Variants in ACYP2 observed in about 807,000 individuals in gnomAD.
ACYP2 encodes acylphosphatase-2.
ACYP2 carries 12 observed loss-of-function variants against 11.2 expected under a neutral mutation model. The ratio of observed to expected loss-of-function variants is 1.08; its 90% CI spans 0.69 to 1.74. The LOEUF (loss-of-function observed/expected upper bound fraction) is 1.74. Ranked by LOEUF, ACYP2 falls within the 40% of genes most tolerant of loss-of-function variation. The probability of loss-of-function intolerance (pLI) is 0.00; values close to 1 mark genes in which losing one functional copy is unlikely to be tolerated. For missense variants in ACYP2, 134 were observed against 101.9 expected, an observed-to-expected ratio of 1.31 and a Z score of -1.35; for synonymous variants, 43 against 32.2, an observed-to-expected ratio of 1.33 and a Z score of -1.13.
intron 4 of ACYP2, among the ~76,000 whole-genome samples, chr2:54,109,702 T>C (rs571067799): frequency 7.2e-5 from 11 of 152,302 alleles, no homozygotes; most frequent in African/African-American, 2.4e-4. Flanking sequence ...TTTCAGAAAG[T>C]AAAATTTTAA....
rs1329740921 is a variant in ACYP2, at chr2:54,236,889, T to TA, written c.405-67796dup. Among the ~76,000 whole-genome samples the TA allele has an allele frequency of 2.0e-5, 3 of 152,174 alleles. No individual in the cohort carries two copies. The South Asian group carries it at 6.2e-4, about 32-fold the overall frequency. On this transcript the variant is annotated intron_variant, in intron 6 of 6. Coordinates refer to ENST00000607452, the MANE Select transcript of ACYP2 (RefSeq NM_001320586.2). ...AAGTATTATCTCTTAATAGAGAAGT[T>TA]AAAGTTTTATCATTTTGAAATGCAG...
intron 6 of ACYP2, among the ~76,000 whole-genome samples, chr2:54,225,324 C>G (rs1196819987): frequency 6.6e-6 from 1 of 152,008 alleles, no homozygotes; most frequent in African/African-American, 2.4e-5. Flanking sequence ...CATGTTTTTT[C>G]CATCATTAAA....
intron 6 of ACYP2, chr2:54,222,876 C>CTGAG (rs1685857679): frequency 6.6e-6 from 1 of 152,140 alleles, no homozygotes. Flanking sequence ...CAAGCATTTT[C>CTGAG]TGAGTTTTGG....
intron 4 of ACYP2, among the ~76,000 whole-genome samples, chr2:54,069,118 A>G (rs1323851358): frequency 2.0e-5 from 3 of 151,858 alleles, no homozygotes; most frequent in African/African-American, 7.3e-5. Context: ...TTTTGTAGAG[A>G]TGAGGTCTCA....
rs566175870 is a variant in ACYP2 at position 54,210,381 on chromosome 2, A to G, written c.404+71633A>G. 4.6e-5 allele frequency among the ~76,000 whole-genome samples: 7 copies of G among 152,088 alleles called. No individual in the cohort carries two copies. In the East Asian group the frequency reaches 9.7e-4, roughly 21 times the overall value. ...ATTACATTACTTAATATATACAAAC[A>G]TATAATTTTTGTGCTTATAACTCTA... On this transcript the variant is annotated intron_variant, in intron 6 of 6. Coordinates refer to ENST00000607452, the MANE Select transcript of ACYP2 (RefSeq NM_001320586.2).
At chr2:54,219,286 T>A (rs1477206936) in intron 6 of ACYP2, among the ~76,000 whole-genome samples, 1 of 152,190 alleles carries the variant, frequency 6.6e-6, no homozygotes, top group Non-Finnish European at 1.5e-5. Context: ...AGTGCTTGTT[T>A]TGCAAGTGAG....
At chr2:54,190,365 G>A (rs934101739) in intron 6 of ACYP2, among the ~76,000 whole-genome samples, 3 of 151,518 alleles carry the variant, frequency 2.0e-5, no homozygotes, top group Admixed American at 2.0e-4. Flanking sequence ...TGCTCTTCAT[G>A]TCTAGGAAAA....
Position 54,235,159 on chromosome 2 carries a change from A to G in ACYP2, c.405-69529A>G, listed in dbSNP as rs182868592. Among the ~76,000 whole-genome samples the G allele has an allele frequency of 3.3e-4, 50 of 152,256 alleles. 1 individual carries two copies. The highest frequency in any genetic ancestry group is 3.4e-3 in the Middle Eastern group (1 of 294). ...AGATTGGGGTGTAAGTTTTCTTTCT[A>G]GTAATGCCCTTCTCATACTTTAGTA... On this transcript the variant is annotated intron_variant, in intron 6 of 6. Coordinates refer to ENST00000607452, the MANE Select transcript of ACYP2 (RefSeq NM_001320586.2).
chr2:53,975,000 A>G (rs982821725), intron 2 of ACYP2, among the ~76,000 whole-genome samples: 2 of 152,110 alleles, frequency 1.3e-5, no homozygotes, highest in African/African-American at 4.8e-5. Flanking sequence ...AAGAATAGAA[A>G]TGTTTGGATT....
At chr2:54,117,404 T>G (rs963030736) in intron 4 of ACYP2, among the ~76,000 whole-genome samples, 2 of 152,204 alleles carry the variant, frequency 1.3e-5, no homozygotes, top group Admixed American at 6.5e-5. Context: ...CAAGTGATCT[T>G]CTGCCTCAGC....
intron 6 of ACYP2, among the ~76,000 whole-genome samples, chr2:54,201,695 TC>T (rs1684838328): frequency 1.4e-5 from 2 of 147,972 alleles, no homozygotes; most frequent in African/African-American, 5.1e-5. Flanking sequence ...TCTCTCTCTC[TC>T]TCTTTTTTCT....
intron 6 of ACYP2, among the ~76,000 whole-genome samples, chr2:54,298,535 G>A (rs1470327969): frequency 6.6e-6 from 1 of 152,216 alleles, no homozygotes; most frequent in East Asian, 1.9e-4. Context: ...AAGCAGATGA[G>A]CGGGTGGTAA....
chr2:53,999,489 A>G (rs1440192315), intron 2 of ACYP2, among the ~76,000 whole-genome samples: 3 of 152,180 alleles, frequency 2.0e-5, no homozygotes, highest in African/African-American at 7.2e-5. Flanking sequence ...GGTGAAACCA[A>G]GGGAATTGTG....
At chr2:54,036,481 G>A (rs1370735168) in intron 2 of ACYP2, among the ~76,000 whole-genome samples, 2 of 152,188 alleles carry the variant, frequency 1.3e-5, no homozygotes, top group African/African-American at 4.8e-5. Flanking sequence ...GTGTCTTTTA[G>A]CCCACTTCCA....
chr2:54,170,661 AGGGATTGTAATATGACTTT>A lies in ACYP2; in HGVS notation c.404+31932_404+31950del, dbSNP rs552982592. 7.9e-4 allele frequency among the ~76,000 whole-genome samples: 120 copies of A among 152,114 alleles called. No individual in the cohort carries two copies. In the Middle Eastern group the frequency reaches 0.014, roughly 17 times the overall value. On this transcript the variant is annotated intron_variant, in intron 6 of 6. Coordinates refer to ENST00000607452, the MANE Select transcript of ACYP2 (RefSeq NM_001320586.2). ...AGCTAGATGGGAAAATCTTGTGGGC[AGGGATTGTAATATGACTTT>A]GGGATTGTAATATGACTTCGTAAAG...
At chr2:54,212,070 G>A (rs1685350227) in intron 6 of ACYP2, among the ~76,000 whole-genome samples, 1 of 152,202 alleles carries the variant, frequency 6.6e-6, no homozygotes, top group African/African-American at 2.4e-5. Flanking sequence ...AATGAAGAAT[G>A]AATGACTGGT....
rs549537237 is a variant in ACYP2 at position 54,065,114 on chromosome 2, A to T, written c.277+7754A>T. On this transcript the variant is annotated intron_variant, in intron 4 of 6. Transcript: ENST00000607452. ...AAATAAATAAATAAATAAATAAATA[A>T]ATAAATAAATATAGAGGGACCAAGG... 9.7e-4 allele frequency among the ~76,000 whole-genome samples: 127 copies of T among 131,380 alleles called. 1 individual carries two copies. Among genetic ancestry groups the T allele is most frequent in the Middle Eastern group, 4.1e-3 (1 of 244 alleles). The allele number at this position is 131,380 out of a possible 152,430, so 86.2% of individuals were successfully genotyped here. A position where few individuals can be genotyped will look rare whatever the true frequency, so the allele number is the denominator to read the frequency against.
intron 6 of ACYP2, among the ~76,000 whole-genome samples, chr2:54,185,683 T>C (rs1667129894): frequency 6.6e-6 from 1 of 152,164 alleles, no homozygotes. Flanking sequence ...ATTTATTTGG[T>C]GAACAATGCT....
chr2:54,155,842 G>C (rs562910745), intron 6 of ACYP2, among the ~76,000 whole-genome samples: 10 of 152,216 alleles, frequency 6.6e-5, no homozygotes, highest in Middle Eastern at 3.4e-3. Flanking sequence ...TTAGTAACAT[G>C]TTAATTTCCA....
Sources: allele counts gnomAD v4.1 joint callset (sites outside exome capture counted in the v4.1 genomes callset), GRCh38; gene constraint gnomAD v4.1.1; transcripts MANE v1.5; gene names NCBI Gene and HGNC (gene_info 2026-07-23, HGNC 2026-07-21).